RHOBTB2: variants seen among roughly 807,000 people sequenced by gnomAD.
RHOBTB2 encodes rho-related BTB domain-containing protein 2.
In RHOBTB2, 39 loss-of-function variants were observed where a neutral mutation model predicts 66.5. The ratio of observed to expected loss-of-function variants is 0.59; its 90% CI spans 0.45 to 0.77. RHOBTB2 has a LOEUF of 0.77. RHOBTB2 is among the 30% of genes least tolerant of loss of function. The pLI is 0.00. For missense variants in RHOBTB2, 755 were observed against 999.1 expected, an observed-to-expected ratio of 0.76 and a Z score of 3.29; for synonymous variants, 390 against 395.0, an observed-to-expected ratio of 0.99 and a Z score of 0.15.
intron 1 of RHOBTB2, among the ~76,000 whole-genome samples, chr8:23,001,379 G>T (rs1810775895): frequency 6.6e-6 from 1 of 151,990 alleles, no homozygotes; most frequent in Non-Finnish European, 1.5e-5. Context: ...CAATGAGTGG[G>T]CTGTATCACC....
chr8:23,000,157 G>A (rs894544939), intron 1 of RHOBTB2, 52 bp downstream of exon 1: 35 of 982,132 alleles, frequency 3.6e-5, no homozygotes, highest in African/African-American at 1.7e-5. Flanking sequence ...AGCCCTTGCA[G>A]ACGCGCCGCT....
At chr8:22,974,848 C>G in the RHOBTB2 span, among the ~76,000 whole-genome samples, 1 of 152,148 alleles carries the variant, frequency 6.6e-6, no homozygotes, top group African/African-American at 2.4e-5. Flanking sequence ...AGGTACTACT[C>G]AGAGTTCCTG....
chr8:22,976,652 G>T, the RHOBTB2 span, among the ~76,000 whole-genome samples: 1 of 151,916 alleles, frequency 6.6e-6, no homozygotes, highest in African/African-American at 2.4e-5. Flanking sequence ...TTCTGATACA[G>T]TCTCATTCTG....
At chr8:23,016,015 A>C (rs546612451) in intron 9 of RHOBTB2, among the ~76,000 whole-genome samples, 1 of 152,336 alleles carries the variant, frequency 6.6e-6, no homozygotes, top group South Asian at 2.1e-4. Flanking sequence ...TCTGGACAGA[A>C]TACCGTAAGA....
upstream of RHOBTB2, among the ~76,000 whole-genome samples, chr8:22,998,209 C>A (rs949106668): frequency 6.6e-6 from 1 of 152,178 alleles, no homozygotes; most frequent in Non-Finnish European, 1.5e-5. Context: ...ATGCTTCAGA[C>A]AACACAAAAT....
chr8:23,015,848 T>C (rs1380389654), intron 9 of RHOBTB2, 105 bp downstream of exon 9: 3 of 837,328 alleles, frequency 3.6e-6, no homozygotes, highest in East Asian at 2.7e-5. Flanking sequence ...ATCCTTGACC[T>C]TGGGGCTGGG....
At chr8:22,983,757 C>CA (rs1267260345), upstream of RHOBTB2, among the ~76,000 whole-genome samples, 1 of 150,866 alleles carries the variant, frequency 6.6e-6, no homozygotes, top group Non-Finnish European at 1.5e-5. Flanking sequence ...TTTTTTGAGA[C>CA]AGAGTTTTGC....
At chr8:22,962,848 C>A in the RHOBTB2 span, among the ~76,000 whole-genome samples, 1 of 152,136 alleles carries the variant, frequency 6.6e-6, no homozygotes, top group African/African-American at 2.4e-5. Flanking sequence ...GCCCAGCAAG[C>A]CTCGGAGGAC....
upstream of RHOBTB2, among the ~76,000 whole-genome samples, chr8:22,983,100 T>C (rs934157709): frequency 6.6e-6 from 1 of 152,150 alleles, no homozygotes; most frequent in Non-Finnish European, 1.5e-5. Context: ...CATAACAACA[T>C]AGAACTGTCC....
chr8:22,973,101 G>A, the RHOBTB2 span, among the ~76,000 whole-genome samples: 2 of 152,214 alleles, frequency 1.3e-5, no homozygotes, highest in African/African-American at 4.8e-5. Flanking sequence ...GGAAAGTCAT[G>A]TTGGTCCTCC....
chr8:23,004,695 T>C lies in RHOBTB2; in HGVS notation c.192+69T>C. 8 of 1,442,386 alleles carry C rather than the reference T, an allele frequency of 5.5e-6. No homozygotes were observed. Among genetic ancestry groups the C allele is most frequent in the Admixed American group, 1.9e-5 (1 of 51,572 alleles). The allele number at this position is 1,442,386 out of a possible 1,614,324, so 89.3% of individuals were successfully genotyped here. On this transcript the variant is annotated intron_variant, in intron 2 of 9. Transcript: ENST00000251822. The surrounding 1 kb of genome is among the most constrained non-coding windows in gnomAD (Gnocchi z 6.4). ...CTGGGCTTGGGGGCTTCCTGAGGCA[T>C]AGCTTGGTGTCTCCAGAGCTCACGG... is the stretch of plus-strand genomic sequence containing the variant.
At chr8:22,994,938 G>A (rs1318475981), upstream of RHOBTB2, among the ~76,000 whole-genome samples, 1 of 152,032 alleles carries the variant, frequency 6.6e-6, no homozygotes, top group Non-Finnish European at 1.5e-5. Flanking sequence ...GCTAATTTTT[G>A]TATTTTTAGT....
chr8:23,012,659 C>T (rs75423026), intron 7 of RHOBTB2, among the ~76,000 whole-genome samples: 4,900 of 152,184 alleles, frequency 0.032, 228 homozygotes, highest in African/African-American at 0.11. Context: ...TGCTCTGTCA[C>T]GCAGACTGGA....
the RHOBTB2 span, among the ~76,000 whole-genome samples, chr8:22,979,752 T>G: frequency 1.2e-4 from 15 of 124,452 alleles, no homozygotes; most frequent in South Asian, 3.4e-3. Context: ...CTTTTTTTTT[T>G]TTTTTTGGGA....
chr8:23,004,676 T>C lies in RHOBTB2; in HGVS notation c.192+50T>C, dbSNP rs1200993554. 2 of 1,538,858 alleles carry C rather than the reference T, an allele frequency of 1.3e-6. No individual in the cohort carries two copies. The highest frequency in any genetic ancestry group is 1.8e-6 in the Non-Finnish European group (2 of 1,133,980). Reference sequence around the variant, plus strand: ...GGGGGTCCACGCCATGAGTCTGGGCTTGGGGGCTTCCTGAGGCATAGCTTG... The same window carrying C: ...GGGGGTCCACGCCATGAGTCTGGGCCTGGGGGCTTCCTGAGGCATAGCTTG... On this transcript the variant is annotated intron_variant, in intron 2 of 9. Transcript: ENST00000251822. This position sits in a 1 kb window ranked among gnomAD's most constrained non-coding sequence, Gnocchi z 6.4.
chr8:23,014,685 T>TA lies in RHOBTB2; in HGVS notation c.1772-4dup. The TA allele has an allele frequency of 6.2e-7, 1 of 1,613,588 alleles. No homozygotes were observed. The highest frequency in any genetic ancestry group is 8.5e-7 in the Non-Finnish European group (1 of 1,179,540). The stretch of plus-strand genomic sequence containing the variant: ...TCAGCTGATTGGTGGCCGTGTGTGT[T>TA]ACAGAGCAGTACACAGTGACCGGGC... On this transcript the variant is annotated splice_polypyrimidine_tract_variant and splice_region_variant and intron_variant, in intron 7 of 9. Transcript: ENST00000251822.
At chr8:23,015,143 C>G (rs185265915) in intron 8 of RHOBTB2, among the ~76,000 whole-genome samples, 117 of 152,334 alleles carry the variant, frequency 7.7e-4, no homozygotes, top group Admixed American at 1.2e-3. Context: ...AACAAACAAG[C>G]CAAATCTCCC....
In RHOBTB2 at chr8:23,014,789, A is replaced by T; in HGVS notation, c.1860+11A>T. 2 of 1,606,844 alleles carry T rather than the reference A, an allele frequency of 1.2e-6. No homozygotes were observed. Among genetic ancestry groups the T allele is most frequent in the Non-Finnish European group, 8.5e-7 (1 of 1,173,754 alleles). On this transcript the variant is annotated intron_variant, in intron 8 of 9. Transcript: ENST00000251822. ...CTGGAACTGGCTCAGGTATCATGGC[A>T]GGGGAGGGAATCTACAACAGTCTCA... is the stretch of plus-strand genomic sequence containing the variant.
At chr8:22,996,553 GT>G (rs1810570205), upstream of RHOBTB2, among the ~76,000 whole-genome samples, 1 of 120,816 alleles carries the variant, frequency 8.3e-6, no homozygotes, top group African/African-American at 3.7e-5. Context: ...GTGTGTGTGT[GT>G]GTGTGTGTGT....
Sources: allele counts gnomAD v4.1 joint callset (sites outside exome capture counted in the v4.1 genomes callset), GRCh38; gene constraint gnomAD v4.1.1; non-coding constraint Gnocchi (gnomAD v3.1); transcripts MANE v1.5; gene names NCBI Gene and HGNC (gene_info 2026-07-23, HGNC 2026-07-21).